The following ACTR3C variants were observed in gnomAD, a reference collection of about 807,000 sequenced individuals.
The protein encoded by ACTR3C is actin-related protein 3C.
Under a neutral mutation model 26.3 loss-of-function variants are expected in ACTR3C, and 18 were observed. That is an observed-to-expected ratio of 0.68 (90% CI 0.47 to 1.01). The LOEUF (loss-of-function observed/expected upper bound fraction) is 1.01, where lower values mean the gene tolerates loss of function less well. Ranked by LOEUF, ACTR3C falls within the 50% of genes least tolerant of loss-of-function variation. The pLI, the probability that ACTR3C is intolerant of heterozygous loss-of-function variation, is 0.00. For missense variants in ACTR3C, 184 were observed against 250.7 expected (o/e 0.73, Z 1.80); for synonymous variants, 55 against 94.5 (o/e 0.58, Z 2.42).
the ACTR3C span, among the ~76,000 whole-genome samples, chr7:149,889,430 C>G: frequency 6.6e-6 from 1 of 152,180 alleles, no homozygotes; most frequent in Admixed American, 6.6e-5. Context: ...ATAAACAACA[C>G]TGACAAATTA....
chr7:150,113,431 A>G, the ACTR3C span, among the ~76,000 whole-genome samples: 1 of 136,754 alleles, frequency 7.3e-6, no homozygotes, highest in Non-Finnish European at 1.6e-5. Context: ...TGCATTCTTT[A>G]GAATGATTTT....
chr7:150,245,036 T>C (rs1311778250), downstream of ACTR3C: 1 of 152,222 alleles, frequency 6.6e-6, no homozygotes, highest in Non-Finnish European at 1.5e-5. Context: ...TAAAACTGGA[T>C]TTCTTCATGT....
chr7:149,998,537 G>C, the ACTR3C span, among the ~76,000 whole-genome samples: 2 of 145,242 alleles, frequency 1.4e-5, no homozygotes, highest in African/African-American at 5.1e-5. Flanking sequence ...TCCTTCACAC[G>C]GCAGCAGGAA....
At chr7:150,034,988 C>A in the ACTR3C span, among the ~76,000 whole-genome samples, 10 of 146,282 alleles carry the variant, frequency 6.8e-5, no homozygotes, top group South Asian at 2.2e-4. Flanking sequence ...GGGGTGCCTC[C>A]CCCTCCTGTG....
intron 6 of ACTR3C, among the ~76,000 whole-genome samples, chr7:150,251,447 G>T (rs117809092): frequency 6.6e-6 from 1 of 151,882 alleles, no homozygotes; most frequent in Non-Finnish European, 1.5e-5. Context: ...TAATAAAAAT[G>T]CTTTTACCCA....
At chr7:150,311,101 T>C (rs10252405) in intron 1 of ACTR3C, among the ~76,000 whole-genome samples, 5,292 of 152,288 alleles carry the variant, frequency 0.035, 303 homozygotes, top group African/African-American at 0.12. Context: ...CTAACCAAAC[T>C]GCTTTACAAG....
intron 1 of ACTR3C, among the ~76,000 whole-genome samples, chr7:150,307,696 G>A (rs1335995700): frequency 1.3e-5 from 2 of 152,120 alleles, no homozygotes; most frequent in East Asian, 1.9e-4. Context: ...ACACAGAGGC[G>A]CTTGACATTT....
chr7:149,965,937 G>C, the ACTR3C span, among the ~76,000 whole-genome samples: 1 of 152,194 alleles, frequency 6.6e-6, no homozygotes, highest in Non-Finnish European at 1.5e-5. Flanking sequence ...CCCTCAGTCA[G>C]GACCCTTGGC....
the ACTR3C span, among the ~76,000 whole-genome samples, chr7:150,123,206 C>A: frequency 3.9e-5 from 6 of 151,920 alleles, no homozygotes; most frequent in African/African-American, 1.5e-4. Context: ...ACATTCTGCA[C>A]CATGTATCCC....
chr7:150,008,884 C>T, the ACTR3C span, among the ~76,000 whole-genome samples: 2 of 151,532 alleles, frequency 1.3e-5, no homozygotes, highest in Admixed American at 6.6e-5. Context: ...ACGGGGCTCC[C>T]GCAAGTCATG....
At chr7:149,885,375 G>A in the ACTR3C span, among the ~76,000 whole-genome samples, 32 of 152,310 alleles carry the variant, frequency 2.1e-4, no homozygotes, top group Admixed American at 9.8e-4. Flanking sequence ...CCCCCAAGCC[G>A]CCAGGGACTT....
chr7:150,303,710 C>A (rs1795605772), intron 1 of ACTR3C, among the ~76,000 whole-genome samples: 1 of 152,190 alleles, frequency 6.6e-6, no homozygotes, highest in African/African-American at 2.4e-5. Context: ...CTTTAGGAGA[C>A]AAATGTATTA....
At chr7:149,923,579 T>C in the ACTR3C span, among the ~76,000 whole-genome samples, 1 of 152,108 alleles carries the variant, frequency 6.6e-6, no homozygotes, top group African/African-American at 2.4e-5. Flanking sequence ...AGATAACCAA[T>C]ATGGCAGCAA....
At chr7:150,036,899 C>G in the ACTR3C span, among the ~76,000 whole-genome samples, 15 of 116,340 alleles carry the variant, frequency 1.3e-4, 3 homozygotes, top group South Asian at 7.6e-4. Flanking sequence ...GTCCCCGCCT[C>G]GCGGGGAGTG....
chr7:149,917,391 A>T, the ACTR3C span, among the ~76,000 whole-genome samples: 1 of 152,026 alleles, frequency 6.6e-6, no homozygotes, highest in Admixed American at 6.6e-5. Context: ...AACATTTTAA[A>T]CAGTTCTTGC....
chr7:150,293,946 A>G (rs562000930), intron 2 of ACTR3C, among the ~76,000 whole-genome samples: 34 of 152,342 alleles, frequency 2.2e-4, no homozygotes, highest in South Asian at 4.1e-4. Context: ...AAAAATAAAA[A>G]AAAGAAAGAA....
At chr7:150,019,437 C>CA in the ACTR3C span, among the ~76,000 whole-genome samples, 2 of 148,872 alleles carry the variant, frequency 1.3e-5, no homozygotes, top group East Asian at 1.9e-4. Context: ...ACTAAAAATA[C>CA]AAAAATTAGC....
At chr7:150,082,380 A>G in the ACTR3C span, among the ~76,000 whole-genome samples, 1 of 152,146 alleles carries the variant, frequency 6.6e-6, no homozygotes. Context: ...AAGATCATTG[A>G]GCAATTAGAA....
chr7:150,097,905 C>T, the ACTR3C span, among the ~76,000 whole-genome samples: 1 of 151,506 alleles, frequency 6.6e-6, no homozygotes, highest in African/African-American at 2.4e-5. Flanking sequence ...AGCAGTCACT[C>T]AGGCTCTAAG....
Sources: allele counts gnomAD v4.1 joint callset (sites outside exome capture counted in the v4.1 genomes callset), GRCh38; gene constraint gnomAD v4.1.1; transcripts MANE v1.5; gene names NCBI Gene and HGNC (gene_info 2026-07-23, HGNC 2026-07-21).